The following LRRC4C variants were observed in gnomAD, a reference collection of about 807,000 sequenced individuals.
LRRC4C encodes leucine-rich repeat-containing protein 4C.
LRRC4C carries 5 observed loss-of-function variants against 33.6 expected under a neutral mutation model. That is an observed-to-expected ratio of 0.15 (90% confidence interval 0.08 to 0.31). LRRC4C has a LOEUF of 0.31. LRRC4C is among the 10% of genes least tolerant of loss of function. The pLI, the probability that LRRC4C is intolerant of heterozygous loss-of-function variation, is 1.00. For synonymous variants in LRRC4C, 329 were observed against 302.0 expected, an observed-to-expected ratio of 1.09 and a Z score of -0.93; for missense variants, 560 against 796.7, an observed-to-expected ratio of 0.70 and a Z score of 3.58.
chr11:41,237,863 T>C (rs972346911), intron 1 of LRRC4C, among the ~76,000 whole-genome samples: 1 of 152,226 alleles, frequency 6.6e-6, no homozygotes, highest in Non-Finnish European at 1.5e-5. Context: ...TGGTTAAAGC[T>C]GCTAAAAAGC....
intron 1 of LRRC4C, among the ~76,000 whole-genome samples, chr11:41,307,402 A>T (rs1345527308): frequency 6.6e-6 from 1 of 151,990 alleles, no homozygotes; most frequent in Non-Finnish European, 1.5e-5. Context: ...AGCCCCAGGG[A>T]CCCTCCCCCT....
At chr11:41,350,509 C>CAAA (rs71063914) in intron 1 of LRRC4C, among the ~76,000 whole-genome samples, 18,310 of 105,928 alleles carry the variant, frequency 0.17, 1,381 homozygotes, top group East Asian at 0.4. Flanking sequence ...GACTCCATCT[C>CAAA]AAAAAAAAAA....
chr11:40,635,993 G>A (rs889029720), intron 3 of LRRC4C, among the ~76,000 whole-genome samples: 2 of 152,168 alleles, frequency 1.3e-5, no homozygotes, highest in South Asian at 2.1e-4. Context: ...TCAAGAAGAA[G>A]GAACAACATA....
intron 1 of LRRC4C, among the ~76,000 whole-genome samples, chr11:40,937,984 A>C (rs1224065332): frequency 1.3e-5 from 2 of 152,072 alleles, no homozygotes; most frequent in African/African-American, 4.8e-5. Flanking sequence ...TCTTCTGTGA[A>C]CTGATTCATC....
chr11:40,936,203 G>A (rs912842755), intron 1 of LRRC4C, among the ~76,000 whole-genome samples: 3 of 148,884 alleles, frequency 2.0e-5, no homozygotes, highest in Non-Finnish European at 4.5e-5. Flanking sequence ...TGTAAAATAG[G>A]TTATTTTTCA....
rs562561807 is a variant in LRRC4C, at chr11:40,544,363, C to T, written c.-270+103779G>A. On this transcript the variant is annotated intron_variant, in intron 3 of 6. Transcript: ENST00000528697. ...TCCAAGGTAGTTGCACTTCCCATGA[C>T]CTCCTTCTCATTCTGGCCCACTGTT... Among the ~76,000 whole-genome samples, 4 of 152,108 alleles carry T rather than the reference C, an allele frequency of 2.6e-5. No individual in the cohort carries two copies. The South Asian group carries it at 8.3e-4, about 32-fold the overall frequency.
chr11:41,176,947 A>G (rs1337222751), intron 1 of LRRC4C, among the ~76,000 whole-genome samples: 1 of 152,006 alleles, frequency 6.6e-6, no homozygotes, highest in Non-Finnish European at 1.5e-5. Context: ...CCTGGGCGAC[A>G]GAGTAATACT....
At chr11:40,820,606 T>G (rs2135461244) in intron 2 of LRRC4C, among the ~76,000 whole-genome samples, 1 of 152,062 alleles carries the variant, frequency 6.6e-6, no homozygotes, top group South Asian at 2.1e-4. Flanking sequence ...ATTATTATCT[T>G]TATAAGTGCA....
At chr11:40,679,070 G>C (rs1437637924) in intron 2 of LRRC4C, among the ~76,000 whole-genome samples, 1 of 152,176 alleles carries the variant, frequency 6.6e-6, no homozygotes, top group Non-Finnish European at 1.5e-5. Context: ...GTCTCAGATG[G>C]AGATGAGGAA....
At chr11:41,304,188 C>T (rs1950390501) in intron 1 of LRRC4C, among the ~76,000 whole-genome samples, 1 of 111,706 alleles carries the variant, frequency 9.0e-6, no homozygotes, top group African/African-American at 2.9e-5. Context: ...GTCAGCCCCC[C>T]GCCTGGCCAG....
intron 3 of LRRC4C, among the ~76,000 whole-genome samples, chr11:40,432,669 G>T (rs183730628): frequency 6.6e-6 from 1 of 152,274 alleles, no homozygotes; most frequent in East Asian, 1.9e-4. Flanking sequence ...TGTTATCCCA[G>T]ACTCTAACAG....
At chr11:41,108,906 C>T (rs1231842285) in intron 1 of LRRC4C, among the ~76,000 whole-genome samples, 3 of 152,090 alleles carry the variant, frequency 2.0e-5, no homozygotes, top group Non-Finnish European at 2.9e-5. Context: ...TGAAGAGTTG[C>T]TAGGCAAAAT....
At chr11:40,497,420 A>G (rs78286498) in intron 3 of LRRC4C, among the ~76,000 whole-genome samples, 13,119 of 152,162 alleles carry the variant, frequency 0.086, 654 homozygotes, top group East Asian at 0.1. Context: ...AAAGTCATGA[A>G]TTATTTAAGT....
intron 3 of LRRC4C, among the ~76,000 whole-genome samples, chr11:40,551,376 C>A (rs565837894): frequency 7.9e-5 from 12 of 152,176 alleles, no homozygotes; most frequent in African/African-American, 2.4e-4. Context: ...TATTTCATGA[C>A]TTTAAGTACT....
At chr11:40,953,279 C>A (rs1298558237) in intron 1 of LRRC4C, among the ~76,000 whole-genome samples, 1 of 151,854 alleles carries the variant, frequency 6.6e-6, no homozygotes, top group African/African-American at 2.4e-5. Context: ...AGGCCAATAA[C>A]TTTTCAATGA....
chr11:40,878,169 C>T (rs535156819), intron 2 of LRRC4C, among the ~76,000 whole-genome samples: 8 of 151,876 alleles, frequency 5.3e-5, no homozygotes, highest in East Asian at 1.9e-4. Flanking sequence ...ATGGGTGGAC[C>T]GCGTGTAGAC....
At chr11:40,803,988 G>T (rs962947307) in intron 2 of LRRC4C, among the ~76,000 whole-genome samples, 3 of 152,020 alleles carry the variant, frequency 2.0e-5, no homozygotes, top group Admixed American at 1.3e-4. Context: ...TCACTCTGTT[G>T]TACTATCAAA....
At chr11:41,256,250 A>C (rs1406028600) in intron 1 of LRRC4C, among the ~76,000 whole-genome samples, 5 of 151,948 alleles carry the variant, frequency 3.3e-5, no homozygotes, top group Admixed American at 2.6e-4. Flanking sequence ...TATTGTGTTC[A>C]GAGTAATCAA....
chr11:40,910,867 T>C (rs1183468304), intron 2 of LRRC4C, among the ~76,000 whole-genome samples: 1 of 152,076 alleles, frequency 6.6e-6, no homozygotes, highest in African/African-American at 2.4e-5. Context: ...GCTTTTCCAA[T>C]GGTCTTAGCA....
Sources: allele counts gnomAD v4.1 joint callset (sites outside exome capture counted in the v4.1 genomes callset), GRCh38; gene constraint gnomAD v4.1.1; transcripts MANE v1.5; gene names NCBI Gene and HGNC (gene_info 2026-07-23, HGNC 2026-07-21).